PDLIM5: variants seen among roughly 807,000 people sequenced by gnomAD.
PDLIM5 encodes PDZ and LIM domain 5.
Under a neutral mutation model 64.2 loss-of-function variants are expected in PDLIM5, and 34 were observed. That is an observed-to-expected ratio of 0.53 (90% CI 0.40 to 0.71). The LOEUF is 0.71. Among genes scored for constraint, PDLIM5 ranks in the 30% least tolerant of loss-of-function variants. PDLIM5 has a pLI of 0.00. For synonymous variants in PDLIM5, 253 were observed against 269.1 expected (o/e 0.94, Z 0.59); for missense variants, 683 against 733.6 (o/e 0.93, Z 0.80).
intron 11 of PDLIM5, among the ~76,000 whole-genome samples, chr4:94,661,097 A>G (rs1181232481): frequency 3.9e-5 from 6 of 152,086 alleles, no homozygotes; most frequent in Non-Finnish European, 7.4e-5. Context: ...AAGACAAAAA[A>G]GAAAAGAAAA....
In PDLIM5 at chr4:94,666,099, CAG is replaced by C. The variant is rs557231734; in HGVS notation, c.*2035_*2036del. The C allele has an allele frequency of 3.4e-4, 441 of 1,303,846 alleles. 6 individuals are homozygous for C. In the South Asian group the frequency reaches 5.4e-3, roughly 16 times the overall value. 80.8% of individuals were successfully genotyped at this position (1,303,846 alleles called of 1,614,324 possible). On this transcript the variant is annotated 3_prime_UTR_variant, in exon 13 of 13. Coordinates refer to ENST00000317968, the MANE Select transcript of PDLIM5 (RefSeq NM_006457.5). Reference sequence around the variant, plus strand: ...GGGCAAGGTGATTTTATAGTCGAGACAGAGCCCTAGGTCCTTCCTGCCCCATC... The same window carrying C: ...GGGCAAGGTGATTTTATAGTCGAGACAGCCCTAGGTCCTTCCTGCCCCATC...
intron 3 of PDLIM5, among the ~76,000 whole-genome samples, chr4:94,565,941 C>A (rs1017163207): frequency 2.6e-5 from 4 of 152,088 alleles, no homozygotes. Flanking sequence ...ATATTATATA[C>A]AATGAGTAAC....
intron 2 of PDLIM5, among the ~76,000 whole-genome samples, chr4:94,461,174 T>C (rs1326163772): frequency 6.6e-6 from 1 of 152,238 alleles, no homozygotes; most frequent in East Asian, 1.9e-4. Context: ...AGGAGTTATT[T>C]AGCATCGTAT....
chr4:94,563,200 T>C (rs776740053), intron 3 of PDLIM5, among the ~76,000 whole-genome samples: 14 of 152,204 alleles, frequency 9.2e-5, no homozygotes, highest in Admixed American at 1.3e-4. Context: ...GATATTATTA[T>C]CACTTTGAAT....
At chr4:94,578,676 A>G (rs1054158836) in intron 5 of PDLIM5, among the ~76,000 whole-genome samples, 2 of 152,072 alleles carry the variant, frequency 1.3e-5, no homozygotes, top group Non-Finnish European at 2.9e-5. Context: ...TAATGGATGC[A>G]TTTTTTGCAT....
chr4:94,507,167 G>A (rs982279269), intron 2 of PDLIM5, among the ~76,000 whole-genome samples: 9 of 151,826 alleles, frequency 5.9e-5, no homozygotes, highest in African/African-American at 1.7e-4. Context: ...ATGGCCTATC[G>A]TGGGACTTCA....
In PDLIM5 at chr4:94,640,365, G is replaced by T; in HGVS notation, c.1198G>T (p.Asp400Tyr). 6.2e-7 allele frequency: 1 copy of T among 1,613,428 alleles called. No homozygotes were observed. Among genetic ancestry groups the T allele is most frequent in the South Asian group, 1.1e-5 (1 of 91,032 alleles). ...NSALGQTQPS[D>Y]QDTLVQRAEH... Reference sequence around the variant, plus strand: ...AGCTTTGGGACAAACCCAGCCAAGTGACCAGGACACTTTAGTGCAAAGAGC... The same window carrying T: ...AGCTTTGGGACAAACCCAGCCAAGTTACCAGGACACTTTAGTGCAAAGAGC... Residue 400 changes from aspartate (D) to tyrosine (Y), a missense_variant, in exon 9 of 13, where the codon GAC (aspartate) becomes TAC (tyrosine). Transcript: ENST00000317968.
intron 2 of PDLIM5, among the ~76,000 whole-genome samples, chr4:94,518,002 A>G (rs1157768340): frequency 6.6e-6 from 1 of 152,166 alleles, no homozygotes; most frequent in East Asian, 1.9e-4. Context: ...TTCCAAGGAA[A>G]CGCAAATAGA....
intron 2 of PDLIM5, chr4:94,456,686 A>G (rs1723402910): frequency 7.1e-6 from 9 of 1,269,178 alleles, no homozygotes; most frequent in Non-Finnish European, 8.3e-6. Context: ...ACAGTGGTAC[A>G]GTGAATACCA....
intron 6 of PDLIM5, among the ~76,000 whole-genome samples, chr4:94,586,176 A>G (rs1326516789): frequency 6.6e-6 from 1 of 152,082 alleles, no homozygotes; most frequent in Non-Finnish European, 1.5e-5. Flanking sequence ...TCAAAAATAA[A>G]TAAATAAATA....
intron 5 of PDLIM5, among the ~76,000 whole-genome samples, chr4:94,583,297 A>G (rs1317830648): frequency 6.6e-6 from 1 of 152,132 alleles, no homozygotes; most frequent in Non-Finnish European, 1.5e-5. Context: ...CAAGTGTGTC[A>G]TAACTAAAAA....
At chr4:94,508,564 T>C (rs559699120) in intron 2 of PDLIM5, among the ~76,000 whole-genome samples, 36 of 152,230 alleles carry the variant, frequency 2.4e-4, no homozygotes, top group African/African-American at 8.4e-4. Context: ...CTCTAAGGGA[T>C]AGGAGAACAT....
rs1041880642 is a variant in PDLIM5 at position 94,560,969 on chromosome 4, C to T, written c.249-12382C>T. ...GTCTTGATCTCCTGACCTCATGATC[C>T]GCCCGCCTCGGCCTCCCAAAGTGCT... is the stretch of plus-strand genomic sequence containing the variant. On this transcript the variant is annotated intron_variant, in intron 3 of 12. Transcript: ENST00000317968. Among the ~76,000 whole-genome samples, 105 of 152,130 alleles carry T rather than the reference C, an allele frequency of 6.9e-4. 1 individual carries two copies. The highest frequency in any genetic ancestry group is 2.5e-3 in the African/African-American group (102 of 41,498).
At position 94,575,847 on chromosome 4, in the gene PDLIM5, G is replaced by A. The variant is rs111766454; in HGVS notation, c.523G>A (p.Ala175Thr). Reference protein sequence around the residue: ...PVAAVTPPLFAASGLHANANL... With the variant: ...PVAAVTPPLFTASGLHANANL... Reference sequence around the variant, plus strand: ...GGCTGCCGTCACTCCTCCCCTGTTCGCTGCATCTGGACTGCATGCTAATGC... The same window carrying A: ...GGCTGCCGTCACTCCTCCCCTGTTCACTGCATCTGGACTGCATGCTAATGC... The change falls in exon 5 of 13, where the codon GCT (alanine) becomes ACT (threonine). Residue 175 changes from alanine to threonine, a missense_variant. Coordinates refer to ENST00000317968, the MANE Select transcript of PDLIM5 (RefSeq NM_006457.5). 50 of 1,614,058 alleles carry A rather than the reference G, an allele frequency of 3.1e-5. No homozygotes were observed. The highest frequency in any genetic ancestry group is 6.7e-5 in the African/African-American group (5 of 74,990).
Position 94,664,626 on chromosome 4 carries a change from T to A in PDLIM5, c.*559T>A. ...GGCTCACGCCTGTAATCCCAGCACTTTGGGAGGCCAAGGTGGGTGGACCAC... is the reference window on the plus strand; with the variant it reads ...GGCTCACGCCTGTAATCCCAGCACTATGGGAGGCCAAGGTGGGTGGACCAC... On this transcript the variant is annotated 3_prime_UTR_variant, in exon 13 of 13. Transcript: ENST00000317968. 2.3e-6 allele frequency: 1 copy of A among 434,444 alleles called. No homozygotes were observed. Among genetic ancestry groups the A allele is most frequent in the Non-Finnish European group, 3.1e-6 (1 of 326,780 alleles). 26.9% of individuals were successfully genotyped at this position (434,444 alleles called of 1,614,324 possible). A position where few individuals can be genotyped will look rare whatever the true frequency, so the allele number is the denominator to read the frequency against.
chr4:94,514,163 C>G (rs1729152725), intron 2 of PDLIM5, among the ~76,000 whole-genome samples: 1 of 126,872 alleles, frequency 7.9e-6, no homozygotes, highest in Admixed American at 9.1e-5. Flanking sequence ...GAGACGGAGT[C>G]TTACGTGGTC....
intron 3 of PDLIM5, among the ~76,000 whole-genome samples, chr4:94,551,723 T>C (rs1732824312): frequency 1.3e-5 from 2 of 152,052 alleles, no homozygotes; most frequent in South Asian, 4.1e-4. Flanking sequence ...ACATGAGAAA[T>C]TAAATTGAGG....
intron 2 of PDLIM5, among the ~76,000 whole-genome samples, chr4:94,507,800 AT>A (rs1042254400): frequency 2.6e-5 from 4 of 152,180 alleles, no homozygotes; most frequent in African/African-American, 9.6e-5. Flanking sequence ...GGCAGAGGTG[AT>A]TTGATTCATC....
chr4:94,655,024 A>G (rs1742105426), intron 10 of PDLIM5, among the ~76,000 whole-genome samples: 1 of 152,226 alleles, frequency 6.6e-6, no homozygotes, highest in East Asian at 1.9e-4. Flanking sequence ...TAAATTCCAT[A>G]GCTTTTATAA....
Sources: allele counts gnomAD v4.1 joint callset (sites outside exome capture counted in the v4.1 genomes callset), GRCh38; gene constraint gnomAD v4.1.1; transcripts MANE v1.5; gene names NCBI Gene and HGNC (gene_info 2026-07-23, HGNC 2026-07-21).